Variants in GRM5 observed in about 807,000 individuals in gnomAD.
The protein encoded by GRM5 is glutamate metabotropic receptor 5.
A neutral mutation model predicts 83.1 loss-of-function variants in GRM5; 19 were observed. The observed-to-expected ratio is 0.23, with a 90% CI of 0.16 to 0.34. The LOEUF is 0.34. Among genes scored for constraint, GRM5 ranks in the 10% least tolerant of loss-of-function variants. GRM5 has a pLI of 1.00. For synonymous variants in GRM5, 675 were observed against 633.6 expected (o/e 1.07, Z -0.98); for missense variants, 1,160 against 1,588.3 (o/e 0.73, Z 4.58).
At chr11:88,990,004 T>G (rs1391595156) in intron 2 of GRM5, among the ~76,000 whole-genome samples, 1 of 151,296 alleles carries the variant, frequency 6.6e-6, no homozygotes, top group Admixed American at 6.6e-5. Flanking sequence ...CAAGAAATAA[T>G]TAAAATCAGA....
intron 3 of GRM5, among the ~76,000 whole-genome samples, chr11:88,660,348 A>C (rs1308881874): frequency 6.6e-6 from 1 of 152,122 alleles, no homozygotes; most frequent in African/African-American, 2.4e-5. Context: ...TAATTCTTAC[A>C]TTTATAATCT....
At chr11:88,866,188 T>C (rs1021117009) in intron 2 of GRM5, among the ~76,000 whole-genome samples, 20 of 151,858 alleles carry the variant, frequency 1.3e-4, no homozygotes, top group Non-Finnish European at 4.4e-5. Context: ...ATAAAGAAAA[T>C]GTGGCACTTA....
At chr11:89,015,664 A>C (rs989405764) in intron 2 of GRM5, among the ~76,000 whole-genome samples, 10 of 152,216 alleles carry the variant, frequency 6.6e-5, no homozygotes, top group African/African-American at 2.4e-4. Context: ...GGTAGCACTA[A>C]ATACCATTTT....
chr11:88,604,094 G>A (rs1938075610), intron 5 of GRM5, among the ~76,000 whole-genome samples: 1 of 152,064 alleles, frequency 6.6e-6, no homozygotes, highest in African/African-American at 2.4e-5. Flanking sequence ...GTGAATTATG[G>A]TAAGTTCTGG....
At chr11:88,904,123 G>A (rs1351697084) in intron 2 of GRM5, among the ~76,000 whole-genome samples, 2 of 152,058 alleles carry the variant, frequency 1.3e-5, no homozygotes, top group Admixed American at 6.6e-5. Context: ...GATAACATTC[G>A]GGGAAGGGCA....
intron 2 of GRM5, among the ~76,000 whole-genome samples, chr11:89,017,411 A>G (rs1270302558): frequency 6.6e-6 from 1 of 152,216 alleles, no homozygotes; most frequent in Non-Finnish European, 1.5e-5. Context: ...ACAGAAATTG[A>G]AAGCTGGCCT....
At chr11:88,835,959 A>G (rs1944087315) in intron 3 of GRM5, among the ~76,000 whole-genome samples, 1 of 152,136 alleles carries the variant, frequency 6.6e-6, no homozygotes, top group African/African-American at 2.4e-5. Flanking sequence ...CACGGCATTC[A>G]AGCCTGTACC....
At chr11:88,757,442 C>T (rs1565216628) in intron 3 of GRM5, among the ~76,000 whole-genome samples, 1 of 151,452 alleles carries the variant, frequency 6.6e-6, no homozygotes. Context: ...GCCAGCCTCA[C>T]CCCCACCAAT....
intron 3 of GRM5, among the ~76,000 whole-genome samples, chr11:88,845,163 T>A (rs1417788937): frequency 6.6e-6 from 1 of 152,204 alleles, no homozygotes; most frequent in Non-Finnish European, 1.5e-5. Flanking sequence ...ACTCATTTGA[T>A]GTGGCAAACT....
At chr11:88,540,678 A>T (rs1942245739) in intron 8 of GRM5, among the ~76,000 whole-genome samples, 1 of 152,106 alleles carries the variant, frequency 6.6e-6, no homozygotes, top group African/African-American at 2.4e-5. Flanking sequence ...CAAGTCTATG[A>T]CTAGAGATTA....
intron 2 of GRM5, among the ~76,000 whole-genome samples, chr11:89,023,307 CCAAA>C (rs1477147640): frequency 1.3e-5 from 2 of 152,020 alleles, no homozygotes; most frequent in Non-Finnish European, 1.5e-5. Flanking sequence ...AACATGACCC[CCAAA>C]CACTCTTCTT....
intron 4 of GRM5, among the ~76,000 whole-genome samples, chr11:88,636,662 C>T (rs1939131508): frequency 6.6e-6 from 1 of 152,160 alleles, no homozygotes; most frequent in Non-Finnish European, 1.5e-5. Context: ...GCCAACCTTA[C>T]ATTTCAAGAT....
chr11:88,957,506 G>A (rs1938658172), intron 2 of GRM5, among the ~76,000 whole-genome samples: 2 of 152,162 alleles, frequency 1.3e-5, no homozygotes, highest in African/African-American at 4.8e-5. Context: ...CAACGGGGAT[G>A]AAGATAAGAA....
intron 1 of GRM5, among the ~76,000 whole-genome samples, chr11:89,051,437 C>A (rs577506204): frequency 6.6e-6 from 1 of 152,028 alleles, no homozygotes; most frequent in Non-Finnish European, 1.5e-5. Context: ...TGGCCAGGCG[C>A]GGTGGCTCAC....
chr11:88,649,793 C>T (rs141658903), intron 4 of GRM5, among the ~76,000 whole-genome samples: 121 of 151,614 alleles, frequency 8.0e-4, no homozygotes, highest in African/African-American at 2.6e-3. Flanking sequence ...AGTATATCTG[C>T]GTATACAAGA....
intron 3 of GRM5, among the ~76,000 whole-genome samples, chr11:88,718,682 C>T (rs1941456308): frequency 6.6e-6 from 1 of 151,942 alleles, no homozygotes; most frequent in African/African-American, 2.4e-5. Flanking sequence ...CAGTTCACTT[C>T]TCTATCTTCC....
intron 4 of GRM5, among the ~76,000 whole-genome samples, chr11:88,639,931 T>C (rs1469733080): frequency 6.6e-6 from 1 of 152,168 alleles, no homozygotes; most frequent in African/African-American, 2.4e-5. Flanking sequence ...ATATTCATCA[T>C]TGAAAACTGC....
chr11:88,703,146 G>T (rs973696105), intron 3 of GRM5, among the ~76,000 whole-genome samples: 34 of 152,156 alleles, frequency 2.2e-4, no homozygotes, highest in African/African-American at 8.2e-4. Context: ...AGCATTGGTA[G>T]ATGTCTGTAA....
intron 8 of GRM5, among the ~76,000 whole-genome samples, chr11:88,564,779 A>G (rs546868276): frequency 6.6e-5 from 10 of 152,344 alleles, no homozygotes; most frequent in African/African-American, 2.2e-4. Flanking sequence ...CTCCATCCCT[A>G]AGGAGCTTGC....
Sources: gnomAD v4.1 joint callset for allele counts (sites outside exome capture counted in the v4.1 genomes callset) on GRCh38, gnomAD v4.1.1 for gene constraint, MANE v1.5 for transcripts, NCBI Gene and HGNC (gene_info 2026-07-23, HGNC 2026-07-21) for gene names.